Variants in UBE2L3 observed in about 807,000 individuals in gnomAD.
UBE2L3 encodes ubiquitin conjugating enzyme E2 L3.
In UBE2L3, 1 loss-of-function variant was observed where a neutral mutation model predicts 17.8. That is an observed-to-expected ratio of 0.06 (90% CI 0.02 to 0.27). The LOEUF (loss-of-function observed/expected upper bound fraction) is 0.27, where lower values mean the gene tolerates loss of function less well. Among genes scored for constraint, UBE2L3 ranks in the 10% least tolerant of loss-of-function variants. The pLI, the probability that UBE2L3 is intolerant of heterozygous loss-of-function variation, is 1.00. For missense variants in UBE2L3, 40 were observed against 192.6 expected, an observed-to-expected ratio of 0.21 and a Z score of 4.69; for synonymous variants, 44 against 68.5, an observed-to-expected ratio of 0.64 and a Z score of 1.76.
intron 2 of UBE2L3, among the ~76,000 whole-genome samples, chr22:21,600,836 C>T (rs891101950): frequency 6.6e-6 from 1 of 152,040 alleles, no homozygotes; most frequent in Non-Finnish European, 1.5e-5. Flanking sequence ...TTTTTTGATT[C>T]AAATAACCAA....
intron 1 of UBE2L3, among the ~76,000 whole-genome samples, chr22:21,575,659 T>G (rs861782): frequency 6.5e-5 from 6 of 92,134 alleles, no homozygotes; most frequent in Non-Finnish European, 4.2e-5. Flanking sequence ...TTTTTTTTTT[T>G]GGAGACGGAG....
intron 1 of UBE2L3, among the ~76,000 whole-genome samples, chr22:21,569,546 A>C (rs569836355): frequency 2.0e-5 from 3 of 152,250 alleles, no homozygotes; most frequent in African/African-American, 7.2e-5. Flanking sequence ...AGTTCTTTTA[A>C]AGCAGATAAC....
chr22:21,594,216 C>T (rs1568979869), intron 2 of UBE2L3, among the ~76,000 whole-genome samples: 1 of 152,274 alleles, frequency 6.6e-6, no homozygotes, highest in Non-Finnish European at 1.5e-5. Flanking sequence ...AATTTGTTCT[C>T]ATGGATGGAT....
At chr22:21,605,372 C>T (rs1929099776) in intron 2 of UBE2L3, among the ~76,000 whole-genome samples, 2 of 152,178 alleles carry the variant, frequency 1.3e-5, no homozygotes, top group African/African-American at 4.8e-5. Flanking sequence ...TGCGTGCCAC[C>T]ACGCCCAGCT....
chr22:21,577,380 C>T (rs934582751), intron 1 of UBE2L3, among the ~76,000 whole-genome samples: 1 of 152,208 alleles, frequency 6.6e-6, no homozygotes, highest in Non-Finnish European at 1.5e-5. Flanking sequence ...GCTGGGATTA[C>T]AGGCGTGAGC....
intron 2 of UBE2L3, among the ~76,000 whole-genome samples, chr22:21,607,523 A>G (rs1206217175): frequency 1.3e-5 from 2 of 151,292 alleles, no homozygotes; most frequent in Non-Finnish European, 3.0e-5. Flanking sequence ...TTAAAAAAAA[A>G]AAAAAAAAAA....
chr22:21,594,303 A>G (rs976126896), intron 2 of UBE2L3, among the ~76,000 whole-genome samples: 1 of 151,658 alleles, frequency 6.6e-6, no homozygotes, highest in African/African-American at 2.4e-5. Flanking sequence ...TTATAAGGTC[A>G]TGAGCATGGA....
chr22:21,563,157 G>A (rs1333130507), upstream of UBE2L3, among the ~76,000 whole-genome samples: 4 of 150,524 alleles, frequency 2.7e-5, no homozygotes, highest in East Asian at 2.0e-4. Context: ...CAGGAAAATC[G>A]CTCGAACCCA....
intron 1 of UBE2L3, among the ~76,000 whole-genome samples, chr22:21,571,876 A>G (rs1926987495): frequency 6.6e-6 from 1 of 152,118 alleles, no homozygotes; most frequent in African/African-American, 2.4e-5. Flanking sequence ...GATTAAGGAG[A>G]TAGAGCAATG....
chr22:21,592,990 T>G, intron 2 of UBE2L3, 34 bp downstream of exon 2: 1 of 1,581,830 alleles, frequency 6.3e-7, no homozygotes, highest in Non-Finnish European at 8.7e-7. Context: ...CCTACCAGAT[T>G]ATTCTTTAAG....
intron 2 of UBE2L3, among the ~76,000 whole-genome samples, chr22:21,607,516 A>T (rs1929242585): frequency 1.1e-5 from 1 of 89,514 alleles, no homozygotes; most frequent in Non-Finnish European, 2.4e-5. Context: ...CTCCGTCTTA[A>T]AAAAAAAAAA....
chr22:21,611,654 T>G (rs1363235987), intron 3 of UBE2L3, among the ~76,000 whole-genome samples: 1 of 152,220 alleles, frequency 6.6e-6, no homozygotes, highest in African/African-American at 2.4e-5. Flanking sequence ...TGTGTGAACA[T>G]AAACATGCTC....
intron 3 of UBE2L3, among the ~76,000 whole-genome samples, chr22:21,612,945 T>G (rs1212551435): frequency 1.3e-5 from 2 of 152,126 alleles, no homozygotes; most frequent in Non-Finnish European, 2.9e-5. Context: ...CGAGCCTGGT[T>G]TTTTTCTGTA....
At chr22:21,597,964 ATTTTTTT>A (rs35036050) in intron 2 of UBE2L3, among the ~76,000 whole-genome samples, 2 of 115,812 alleles carry the variant, frequency 1.7e-5, no homozygotes. Context: ...TAATTTTTGT[ATTTTTTT>A]TTTTTTTTTT....
chr22:21,570,314 T>TA (rs201969551), intron 1 of UBE2L3, among the ~76,000 whole-genome samples: 69 of 151,138 alleles, frequency 4.6e-4, no homozygotes, highest in South Asian at 1.5e-3. Flanking sequence ...ACTCTGTTTC[T>TA]AAAAAAAAAC....
intron 2 of UBE2L3, among the ~76,000 whole-genome samples, chr22:21,598,639 G>A (rs747519743): frequency 5.3e-5 from 8 of 149,676 alleles, no homozygotes; most frequent in South Asian, 2.1e-4. Context: ...TGGAAGGATC[G>A]ATTGAGCCTA....
At chr22:21,568,395 G>A (rs183641106) in intron 1 of UBE2L3, 1 of 985,316 alleles carries the variant, frequency 1.0e-6, no homozygotes, top group Non-Finnish European at 1.2e-6. Context: ...CCAACTCCAG[G>A]AAGGCCTGAG....
intron 1 of UBE2L3, among the ~76,000 whole-genome samples, chr22:21,560,653 G>T (rs1306791672): frequency 1.3e-5 from 2 of 150,812 alleles, no homozygotes; most frequent in Non-Finnish European, 2.9e-5. Context: ...GTTTCACCAC[G>T]TTGGCCAGGC....
At chr22:21,563,135 G>A (rs1253115485), upstream of UBE2L3, among the ~76,000 whole-genome samples, 1 of 151,562 alleles carries the variant, frequency 6.6e-6, no homozygotes, top group African/African-American at 2.4e-5. Context: ...CCAGCTACTC[G>A]GGAGGCTGGG....
Sources: allele counts gnomAD v4.1 joint callset (sites outside exome capture counted in the v4.1 genomes callset), GRCh38; gene constraint gnomAD v4.1.1; transcripts MANE v1.5; gene names NCBI Gene and HGNC (gene_info 2026-07-23, HGNC 2026-07-21).